Variants in CECR2 observed in about 807,000 individuals in gnomAD.
CECR2 encodes chromatin remodeling regulator CECR2.
In CECR2, 30 loss-of-function variants were observed where a neutral mutation model predicts 154.5. The ratio of observed to expected loss-of-function variants is 0.19; its 90% CI spans 0.15 to 0.26. The LOEUF is 0.26. CECR2 is among the 10% of genes least tolerant of loss of function. The pLI is 1.00. For missense variants in CECR2, 1,743 were observed against 1,829.3 expected, an observed-to-expected ratio of 0.95 and a Z score of 0.86; for synonymous variants, 725 against 683.7, an observed-to-expected ratio of 1.06 and a Z score of -0.94.
At chr22:17,465,945 A>G (rs1157598264) in intron 1 of CECR2, among the ~76,000 whole-genome samples, 2 of 152,222 alleles carry the variant, frequency 1.3e-5, no homozygotes, top group Non-Finnish European at 2.9e-5. Context: ...ATGAGAATAC[A>G]ACACGTGTTA....
intron 1 of CECR2, among the ~76,000 whole-genome samples, chr22:17,404,666 C>T (rs1213937234): frequency 7.6e-6 from 1 of 131,172 alleles, no homozygotes; most frequent in Non-Finnish European, 1.6e-5. Context: ...AACCACCGCG[C>T]CTGGCCCTGG....
At chr22:17,454,504 C>T (rs1601386176) in intron 1 of CECR2, among the ~76,000 whole-genome samples, 2 of 151,700 alleles carry the variant, frequency 1.3e-5, no homozygotes, top group South Asian at 4.2e-4. Context: ...ACTCGGAAAG[C>T]TGAGGCAGGA....
chr22:17,366,458 A>T (rs1039638665), upstream of CECR2, among the ~76,000 whole-genome samples: 1 of 152,178 alleles, frequency 6.6e-6, no homozygotes, highest in African/African-American at 2.4e-5. Context: ...AAGTGCTGAG[A>T]TTACAGGCGT....
In CECR2 at chr22:17,369,574, C is replaced by T. The variant is rs1259008968; in HGVS notation, c.-210C>T. The T allele has an allele frequency of 1.4e-5, 2 of 147,584 alleles. No homozygotes were observed. Among genetic ancestry groups the T allele is most frequent in the African/African-American group, 4.9e-5 (2 of 40,938 alleles). The allele number at this position is 147,584 out of a possible 1,614,324, so 9.1% of individuals were successfully genotyped here. On this transcript the variant is annotated 5_prime_UTR_variant, in exon 1 of 19. Transcript: ENST00000262608. ...CCGCGGGCAGCCGCAGCCGCAGCCG[C>T]CTCAGTAGTTCGGGCCCCCGCGCCG...
At chr22:17,507,425 G>A (rs1335739050) in intron 7 of CECR2, among the ~76,000 whole-genome samples, 1 of 152,140 alleles carries the variant, frequency 6.6e-6, no homozygotes, top group Non-Finnish European at 1.5e-5. Flanking sequence ...AAGTAACAAT[G>A]ATGTAAAGAG....
chr22:17,464,119 G>T (rs2054988525), intron 1 of CECR2, among the ~76,000 whole-genome samples: 1 of 152,174 alleles, frequency 6.6e-6, no homozygotes, highest in African/African-American at 2.4e-5. Context: ...CACTAATACT[G>T]GCATTAAGAT....
chr22:17,474,124 G>A (rs557049752), intron 1 of CECR2, among the ~76,000 whole-genome samples: 22 of 152,202 alleles, frequency 1.4e-4, no homozygotes, highest in Non-Finnish European at 2.6e-4. Flanking sequence ...CCTATTCTTG[G>A]TTCTCATCTT....
rs200479711 is a variant in CECR2 at position 17,552,132 on chromosome 22, C to A, written c.4379C>A (p.Pro1460His). 8.3e-5 allele frequency: 134 copies of A among 1,613,676 alleles called. 1 individual carries two copies. The African/African-American group carries it at 1.7e-3, about 20-fold the overall frequency. The change falls in exon 18 of 19, where the codon CCC becomes CAC. Residue 1460 changes from proline (P) to histidine (H), a missense_variant. This residue lies in a region of CECR2 where 1,250 missense variants were observed against 1,192.1 expected (regional missense o/e 1.05). Coordinates refer to ENST00000262608, the MANE Select transcript of CECR2 (RefSeq NM_001290047.2). ...EVPPHKPPTL[P>H]LDQS ...CCGCCTCATAAGCCTCCAACACTTCCCCTGGATCAGGTAAGGATCACTAAA... is the reference window on the plus strand; with the variant it reads ...CCGCCTCATAAGCCTCCAACACTTCACCTGGATCAGGTAAGGATCACTAAA...
chr22:17,439,685 A>C (rs1253669904), intron 1 of CECR2, among the ~76,000 whole-genome samples: 3 of 152,242 alleles, frequency 2.0e-5, no homozygotes, highest in Non-Finnish European at 4.4e-5. Context: ...GTACCTATTA[A>C]AATTTAAAAT....
intron 9 of CECR2, among the ~76,000 whole-genome samples, chr22:17,529,855 T>TA (rs1270338331): frequency 6.6e-6 from 1 of 152,202 alleles, no homozygotes; most frequent in African/African-American, 2.4e-5. Flanking sequence ...ATAAGATACT[T>TA]ACAATAACCT....
intron 7 of CECR2, 109 bp from the exon 8 acceptor site, chr22:17,511,704 G>C (rs778737823): frequency 3.9e-5 from 32 of 818,362 alleles, no homozygotes; most frequent in Non-Finnish European, 6.3e-5. Context: ...GCCCTAACCT[G>C]TGTGCCTCAT....
At chr22:17,416,155 A>G (rs1017788568) in intron 1 of CECR2, among the ~76,000 whole-genome samples, 4 of 152,222 alleles carry the variant, frequency 2.6e-5, no homozygotes, top group Non-Finnish European at 5.9e-5. Context: ...ATGGCTCTCT[A>G]AATAGTGACA....
chr22:17,382,173 A>C (rs932451963), intron 1 of CECR2, among the ~76,000 whole-genome samples: 6 of 151,708 alleles, frequency 4.0e-5, no homozygotes, highest in South Asian at 4.2e-4. Context: ...TACAGGCGTG[A>C]GCCACTGTGC....
intron 1 of CECR2, among the ~76,000 whole-genome samples, chr22:17,432,031 A>G (rs2054432505): frequency 2.0e-5 from 3 of 149,910 alleles, no homozygotes; most frequent in East Asian, 3.9e-4. Flanking sequence ...GGAATCACAC[A>G]GCCCCACTTT....
intron 1 of CECR2, among the ~76,000 whole-genome samples, chr22:17,361,006 TA>T: frequency 6.7e-6 from 1 of 150,286 alleles, no homozygotes; most frequent in East Asian, 2.0e-4. Flanking sequence ...CTACAAAAAA[TA>T]AAAAAATTAG....
intron 1 of CECR2, among the ~76,000 whole-genome samples, chr22:17,446,181 T>C (rs1181646198): frequency 6.6e-6 from 1 of 152,100 alleles, no homozygotes; most frequent in Non-Finnish European, 1.5e-5. Flanking sequence ...TGAAAAACAC[T>C]GTTCTGGAGC....
intron 1 of CECR2, 51 bp downstream of exon 1, chr22:17,369,960 T>G (rs1210489062): frequency 2.7e-5 from 4 of 150,018 alleles, no homozygotes; most frequent in African/African-American, 9.8e-5. Flanking sequence ...CTGCTCCCCC[T>G]GCCCCGCGCG....
intron 1 of CECR2, among the ~76,000 whole-genome samples, chr22:17,430,273 T>C (rs1266718028): frequency 6.6e-6 from 1 of 152,198 alleles, no homozygotes; most frequent in Non-Finnish European, 1.5e-5. Flanking sequence ...TACCCGCATT[T>C]GTTTAGCAAA....
chr22:17,458,231 A>G (rs1252936456), intron 1 of CECR2, among the ~76,000 whole-genome samples: 1 of 152,094 alleles, frequency 6.6e-6, no homozygotes, highest in Non-Finnish European at 1.5e-5. Flanking sequence ...CCTGGCCAAG[A>G]TGGTGAAACC....
Sources: allele counts gnomAD v4.1 joint callset (sites outside exome capture counted in the v4.1 genomes callset), GRCh38; gene constraint gnomAD v4.1.1; regional missense constraint gnomAD v4.1.1; transcripts MANE v1.5; gene names NCBI Gene and HGNC (gene_info 2026-07-23, HGNC 2026-07-21).